The following CENPP variants were observed in gnomAD, a reference collection of about 807,000 sequenced individuals.
CENPP encodes the protein centromere protein P.
In CENPP, 24 loss-of-function variants were observed where a neutral mutation model predicts 35.6. The ratio of observed to expected loss-of-function variants is 0.67; its 90% confidence interval spans 0.49 to 0.95. The LOEUF is 0.95. CENPP is among the 40% of genes least tolerant of loss of function. The pLI is 0.00. For missense variants in CENPP, 332 were observed against 345.3 expected (o/e 0.96, Z 0.31); for synonymous variants, 120 against 125.5 (o/e 0.96, Z 0.29).
At chr9:92,428,309 G>A (rs1844019581) in intron 5 of CENPP, among the ~76,000 whole-genome samples, 1 of 152,138 alleles carries the variant, frequency 6.6e-6, no homozygotes, top group South Asian at 2.1e-4. Context: ...ACCTTCTCAA[G>A]TGTGGCCGGA....
intron 3 of CENPP, among the ~76,000 whole-genome samples, chr9:92,344,877 G>A (rs1841238794): frequency 6.6e-6 from 1 of 150,396 alleles, no homozygotes; most frequent in African/African-American, 2.4e-5. Context: ...GGTAAAAATG[G>A]CATCTTATCG....
chr9:92,436,428 C>A (rs965565127), intron 5 of CENPP, among the ~76,000 whole-genome samples: 1 of 152,080 alleles, frequency 6.6e-6, no homozygotes, highest in Non-Finnish European at 1.5e-5. Context: ...TTTATTGATT[C>A]TTTTTTCTTT....
chr9:92,403,487 A>G (rs1843203944), intron 5 of CENPP: 2 of 1,507,082 alleles, frequency 1.3e-6, no homozygotes, highest in African/African-American at 2.8e-5. Context: ...TTTTCCCTGG[A>G]AATAAAAATT....
chr9:92,473,068 T>C (rs1193240317), intron 5 of CENPP, among the ~76,000 whole-genome samples: 1 of 152,180 alleles, frequency 6.6e-6, no homozygotes, highest in Non-Finnish European at 1.5e-5. Context: ...GTCACAGATA[T>C]TCTTAGGTGG....
chr9:92,542,698 G>A (rs1849343626), intron 5 of CENPP, among the ~76,000 whole-genome samples: 1 of 152,126 alleles, frequency 6.6e-6, no homozygotes, highest in African/African-American at 2.4e-5. Context: ...GTGTATTTTA[G>A]TAGAGACAAG....
chr9:92,367,416 C>T (rs1235384300), intron 4 of CENPP, among the ~76,000 whole-genome samples: 3 of 152,114 alleles, frequency 2.0e-5, no homozygotes, highest in Non-Finnish European at 4.4e-5. Context: ...ATCTGTCCAC[C>T]TCAGCCTCGC....
chr9:92,412,432 A>G (rs1843470801), intron 5 of CENPP, among the ~76,000 whole-genome samples: 1 of 152,182 alleles, frequency 6.6e-6, no homozygotes, highest in African/African-American at 2.4e-5. Context: ...CATTTGTACA[A>G]CCATCACCAC....
At chr9:92,590,299 A>G (rs551338149) in intron 5 of CENPP, among the ~76,000 whole-genome samples, 9 of 152,274 alleles carry the variant, frequency 5.9e-5, no homozygotes, top group Non-Finnish European at 1.0e-4. Flanking sequence ...ATAAGACACT[A>G]TAAAACACAT....
chr9:92,545,611 C>A (rs1849420550), intron 5 of CENPP, among the ~76,000 whole-genome samples: 1 of 152,224 alleles, frequency 6.6e-6, no homozygotes, highest in Admixed American at 6.5e-5. Flanking sequence ...CCACTGACCG[C>A]CCAAGGGCTG....
At chr9:92,531,115 T>C (rs1848722338) in intron 5 of CENPP, among the ~76,000 whole-genome samples, 1 of 152,204 alleles carries the variant, frequency 6.6e-6, no homozygotes, top group African/African-American at 2.4e-5. Context: ...TTTAGGCTGT[T>C]TATATTTAAT....
intron 5 of CENPP, among the ~76,000 whole-genome samples, chr9:92,560,392 T>C (rs118169593): frequency 6.6e-6 from 1 of 152,200 alleles, no homozygotes; most frequent in Non-Finnish European, 1.5e-5. Flanking sequence ...GTCTTGGGTA[T>C]GAACCCGTAC....
intron 5 of CENPP, among the ~76,000 whole-genome samples, chr9:92,568,107 A>G (rs1223807235): frequency 6.6e-6 from 1 of 151,996 alleles, no homozygotes; most frequent in Non-Finnish European, 1.5e-5. Flanking sequence ...TCTAGGATAC[A>G]TGTGCACTAG....
At chr9:92,386,717 C>G (rs902177939) in intron 5 of CENPP, among the ~76,000 whole-genome samples, 40 of 152,106 alleles carry the variant, frequency 2.6e-4, no homozygotes, top group Admixed American at 1.2e-3. Flanking sequence ...CCACCAATTT[C>G]TAGCTAAGTG....
chr9:92,448,028 G>A (rs926248009), intron 5 of CENPP, among the ~76,000 whole-genome samples: 3 of 152,096 alleles, frequency 2.0e-5, no homozygotes, highest in Non-Finnish European at 4.4e-5. Context: ...AATTTTTAGG[G>A]AATAAAGAGA....
chr9:92,423,804 C>T (rs998385908), intron 5 of CENPP, among the ~76,000 whole-genome samples: 6 of 152,118 alleles, frequency 3.9e-5, no homozygotes, highest in African/African-American at 1.4e-4. Context: ...ATCAACCCCC[C>T]AACCGGAATC....
chr9:92,419,623 T>A (rs1159696391), intron 5 of CENPP, among the ~76,000 whole-genome samples: 1 of 152,184 alleles, frequency 6.6e-6, no homozygotes, highest in Non-Finnish European at 1.5e-5. Flanking sequence ...CTTGCCTGCT[T>A]ATCCGCCTGG....
chr9:92,509,212 G>A (rs1383654146), intron 5 of CENPP, among the ~76,000 whole-genome samples: 3 of 152,074 alleles, frequency 2.0e-5, no homozygotes, highest in Non-Finnish European at 4.4e-5. Flanking sequence ...ATGCCGTGGG[G>A]TGTGGAGTTA....
rs765928376 is a variant in CENPP, at chr9:92,517,689, G to C, written c.565-93625G>C. The C allele has an allele frequency of 3.1e-6, 5 of 1,614,162 alleles. No individual in the cohort carries two copies. The South Asian group carries it at 4.4e-5, about 14-fold the overall frequency. On this transcript the variant is annotated intron_variant, in intron 5 of 7. Coordinates refer to ENST00000375587, the MANE Select transcript of CENPP (RefSeq NM_001012267.3). Reference sequence around the variant, plus strand: ...TTTGCTTAGCTAAATCTCTGTACCAGTAGCGGAGCAGACCGGGCAGCATTC... The same window carrying C: ...TTTGCTTAGCTAAATCTCTGTACCACTAGCGGAGCAGACCGGGCAGCATTC...
intron 5 of CENPP, among the ~76,000 whole-genome samples, chr9:92,514,105 G>A (rs950087880): frequency 5.4e-5 from 8 of 149,218 alleles, no homozygotes. Flanking sequence ...AGTCTTCACA[G>A]AGCAATGAGA....
Sources: gnomAD v4.1 joint callset for allele counts (sites outside exome capture counted in the v4.1 genomes callset) on GRCh38, gnomAD v4.1.1 for gene constraint, MANE v1.5 for transcripts, NCBI Gene and HGNC (gene_info 2026-07-23, HGNC 2026-07-21) for gene names.